Variants in ALK observed in about 807,000 individuals in gnomAD.
ALK encodes ALK receptor tyrosine kinase.
Under a neutral mutation model 163.1 loss-of-function variants are expected in ALK, and 74 were observed. The ratio of observed to expected loss-of-function variants is 0.45; its 90% CI spans 0.38 to 0.55. The LOEUF (loss-of-function observed/expected upper bound fraction) is 0.55, where lower values mean the gene tolerates loss of function less well. Among genes scored for constraint, ALK ranks in the 20% least tolerant of loss-of-function variants. The pLI is 0.00. For missense variants in ALK, 2,063 were observed against 2,105.3 expected (o/e 0.98, Z 0.39); for synonymous variants, 960 against 843.2 (o/e 1.14, Z -2.40).
chr2:29,319,385 G>T (rs1486686487), intron 7 of ALK, among the ~76,000 whole-genome samples: 1 of 152,228 alleles, frequency 6.6e-6, no homozygotes, highest in Non-Finnish European at 1.5e-5. Flanking sequence ...GTCAAGGGCA[G>T]AGTAACCAAG....
At chr2:29,421,821 C>T (rs1424842966) in intron 4 of ALK, among the ~76,000 whole-genome samples, 1 of 151,580 alleles carries the variant, frequency 6.6e-6, no homozygotes, top group East Asian at 1.9e-4. Flanking sequence ...TAAAGAAGAA[C>T]CCTTGAATTT....
chr2:29,394,493 T>G lies in ALK; in HGVS notation c.1155-10634A>C, dbSNP rs986812359. Among the ~76,000 whole-genome samples, 5 of 152,164 alleles carry G rather than the reference T, an allele frequency of 3.3e-5. No individual in the cohort carries two copies. The South Asian group carries it at 8.3e-4, about 25-fold the overall frequency. On this transcript the variant is annotated intron_variant, in intron 4 of 28. Transcript: ENST00000389048. Reference sequence around the variant, plus strand: ...TGCTGAGCATCCCTCACCAGGGAGCTGTGGGGAGGGACCCAGCTGAATTCT... The same window carrying G: ...TGCTGAGCATCCCTCACCAGGGAGCGGTGGGGAGGGACCCAGCTGAATTCT...
At chr2:29,212,385 TACC>T (rs1669488793) in intron 24 of ALK, among the ~76,000 whole-genome samples, 1 of 152,038 alleles carries the variant, frequency 6.6e-6, no homozygotes, top group Non-Finnish European at 1.5e-5. Flanking sequence ...GCTGAAAAAC[TACC>T]TTAAAAAAAA....
At chr2:29,571,230 G>T (rs1244991946) in intron 3 of ALK, among the ~76,000 whole-genome samples, 1 of 152,186 alleles carries the variant, frequency 6.6e-6, no homozygotes, top group Non-Finnish European at 1.5e-5. Flanking sequence ...GACCTACAGA[G>T]AGGGGCTCAG....
At chr2:29,681,001 T>C (rs974256712) in intron 3 of ALK, 12 of 152,186 alleles carry the variant, frequency 7.9e-5, no homozygotes, top group African/African-American at 2.7e-4. Flanking sequence ...CAGGTGCTTA[T>C]TTTTATTTTT....
chr2:29,334,459 T>G (rs13033138), intron 5 of ALK, among the ~76,000 whole-genome samples: 72,808 of 152,066 alleles, frequency 0.48, 17,688 homozygotes, highest in South Asian at 0.52. Context: ...GGAAACCCAC[T>G]GATTTAGATC....
intron 26 of ALK, among the ~76,000 whole-genome samples, chr2:29,202,765 A>G (rs994388461): frequency 1.3e-5 from 2 of 152,214 alleles, no homozygotes; most frequent in Admixed American, 1.3e-4. Flanking sequence ...TAAGTAAACC[A>G]CAGTTAATTT....
At chr2:29,410,212 G>A (rs1669694953) in intron 4 of ALK, among the ~76,000 whole-genome samples, 2 of 152,132 alleles carry the variant, frequency 1.3e-5, no homozygotes, top group East Asian at 3.9e-4. Context: ...AAGCTGCTTA[G>A]GGCAACCCTG....
intron 3 of ALK, among the ~76,000 whole-genome samples, chr2:29,638,481 T>A (rs990670511): frequency 1.6e-5 from 2 of 128,018 alleles, no homozygotes; most frequent in African/African-American, 6.2e-5. Context: ...GGAACTTGTT[T>A]GTGGCAATGA....
intron 1 of ALK, among the ~76,000 whole-genome samples, chr2:29,757,101 G>A (rs1008767910): frequency 3.9e-5 from 6 of 152,218 alleles, no homozygotes; most frequent in Non-Finnish European, 7.3e-5. Flanking sequence ...CTGTAGGCTA[G>A]TAGAAAGAAA....
chr2:29,468,117 C>G (rs995388842), intron 4 of ALK, among the ~76,000 whole-genome samples: 10 of 152,052 alleles, frequency 6.6e-5, no homozygotes, highest in Admixed American at 6.5e-4. Flanking sequence ...CAACCTGCGC[C>G]TACCGGGTTC....
chr2:29,277,427 A>T (rs535821613), intron 9 of ALK, among the ~76,000 whole-genome samples: 1 of 152,308 alleles, frequency 6.6e-6, no homozygotes, highest in South Asian at 2.1e-4. Flanking sequence ...TTATCCGAAT[A>T]ACTGTGATCG....
At chr2:29,837,505 C>T (rs1665592162) in intron 1 of ALK, among the ~76,000 whole-genome samples, 1 of 152,284 alleles carries the variant, frequency 6.6e-6, no homozygotes, top group East Asian at 1.9e-4. Flanking sequence ...AAGATAATTG[C>T]TCCCATAACT....
intron 3 of ALK, among the ~76,000 whole-genome samples, chr2:29,566,198 C>T (rs1167759477): frequency 6.6e-6 from 1 of 152,212 alleles, no homozygotes; most frequent in Non-Finnish European, 1.5e-5. Flanking sequence ...GAGGGCCATT[C>T]ACCATGGCCA....
At chr2:29,580,659 C>CA (rs1337359337) in intron 3 of ALK, among the ~76,000 whole-genome samples, 4 of 152,216 alleles carry the variant, frequency 2.6e-5, no homozygotes, top group African/African-American at 9.6e-5. Flanking sequence ...CATGTAGGTG[C>CA]AAGGGCTGTG....
At chr2:29,456,590 A>G (rs1451057077) in intron 4 of ALK, among the ~76,000 whole-genome samples, 1 of 152,204 alleles carries the variant, frequency 6.6e-6, no homozygotes, top group Non-Finnish European at 1.5e-5. Flanking sequence ...CAACTGGTAC[A>G]GAATTACAGT....
intron 1 of ALK, among the ~76,000 whole-genome samples, chr2:29,912,288 G>T (rs1667725117): frequency 6.6e-6 from 1 of 152,102 alleles, no homozygotes; most frequent in Admixed American, 6.5e-5. Flanking sequence ...ATAAAACCAT[G>T]CAGAGATACA....
At chr2:29,739,362 A>T (rs1679986317) in intron 1 of ALK, among the ~76,000 whole-genome samples, 1 of 151,130 alleles carries the variant, frequency 6.6e-6, no homozygotes, top group South Asian at 2.1e-4. Context: ...AATTGAGACC[A>T]TCCTGGCCAA....
In ALK at chr2:29,920,195, G is replaced by T; in HGVS notation, c.465C>A (p.Val155=). 1 of 1,613,398 alleles carries T rather than the reference G, an allele frequency of 6.2e-7. No homozygotes were observed. Among genetic ancestry groups the T allele is most frequent in the Non-Finnish European group, 8.5e-7 (1 of 1,179,986 alleles). ...CCACAGCCGCCTCCCCGGGGGGCCCGACGCAACCCTCCAAGATCGCCTCCT... is the reference window on the plus strand; with the variant it reads ...CCACAGCCGCCTCCCCGGGGGGCCCTACGCAACCCTCCAAGATCGCCTCCT... ...LGEEAILEGC[V]GPPGEAAVGL... The change falls in exon 1 of 29, where the codon GTC becomes GTA. Residue 155 remains valine, a synonymous_variant. Coordinates refer to ENST00000389048, the MANE Select transcript of ALK (RefSeq NM_004304.5).
Sources: gnomAD v4.1 joint callset for allele counts (sites outside exome capture counted in the v4.1 genomes callset) on GRCh38, gnomAD v4.1.1 for gene constraint, MANE v1.5 for transcripts, NCBI Gene and HGNC (gene_info 2026-07-23, HGNC 2026-07-21) for gene names.